The following ASH1L variants were observed in gnomAD, a reference collection of about 807,000 sequenced individuals.
The protein encoded by ASH1L is histone-lysine N-methyltransferase ASH1L.
In ASH1L, 23 loss-of-function variants were observed where a neutral mutation model predicts 269.0. That is an observed-to-expected ratio of 0.09 (90% confidence interval 0.06 to 0.12). The LOEUF (loss-of-function observed/expected upper bound fraction) is 0.12, where lower values mean the gene tolerates loss of function less well. Among genes scored for constraint, ASH1L ranks in the 10% least tolerant of loss-of-function variants. ASH1L has a pLI of 1.00. For missense variants in ASH1L, 2,912 were observed against 3,567.8 expected (o/e 0.82, Z 4.68); for synonymous variants, 1,187 against 1,253.5 (o/e 0.95, Z 1.12).
Position 155,415,909 on chromosome 1 carries a change from G to C in ASH1L, c.5843C>G (p.Pro1948Arg), listed in dbSNP as rs1337936201. ...TTCAGAAGGACTGGGAATCTCAACT[G>C]GTGCTTCATTAAAGCTAGAAAGAGA... ...QENNKSFNEA[P>R]VEIPSPSETP... Residue 1948 changes from proline to arginine, a missense_variant, in exon 6 of 28, where the codon CCA becomes CGA. Coordinates refer to ENST00000392403, the MANE Select transcript of ASH1L (RefSeq NM_018489.3). 20 of 1,562,844 alleles carry C rather than the reference G, an allele frequency of 1.3e-5. No homozygotes were observed. Among genetic ancestry groups the C allele is most frequent in the Non-Finnish European group, 1.6e-5 (19 of 1,157,738 alleles).
intron 10 of ASH1L, among the ~76,000 whole-genome samples, chr1:155,374,139 G>A (rs1450796207): frequency 1.3e-5 from 2 of 152,152 alleles, no homozygotes; most frequent in Non-Finnish European, 2.9e-5. Flanking sequence ...GATCAGCCTG[G>A]CCAACACGGC....
At chr1:155,372,005 C>T (rs980696275) in intron 10 of ASH1L, among the ~76,000 whole-genome samples, 2 of 150,458 alleles carry the variant, frequency 1.3e-5, no homozygotes, top group Non-Finnish European at 3.0e-5. Flanking sequence ...CGCTAATTTA[C>T]TCTTATTTAT....
At chr1:155,361,133 C>T (rs929618600) in intron 12 of ASH1L, among the ~76,000 whole-genome samples, 2 of 152,036 alleles carry the variant, frequency 1.3e-5, no homozygotes, top group African/African-American at 2.4e-5. Context: ...CCTGTAATCC[C>T]AGCATTTTGG....
intron 1 of ASH1L, among the ~76,000 whole-genome samples, chr1:155,550,066 G>A (rs1005909298): frequency 6.6e-6 from 1 of 151,778 alleles, no homozygotes; most frequent in South Asian, 2.1e-4. Flanking sequence ...TGTTGCCCAA[G>A]CTGGAGTGCC....
chr1:155,361,518 C>CA (rs1161207568), intron 12 of ASH1L, among the ~76,000 whole-genome samples: 380 of 36,414 alleles, frequency 0.01, 17 homozygotes, highest in African/African-American at 0.018. Flanking sequence ...CTCCATCTCA[C>CA]AAAAAAAAAA....
chr1:155,547,461 C>T (rs959458919), intron 1 of ASH1L, among the ~76,000 whole-genome samples: 1 of 151,838 alleles, frequency 6.6e-6, no homozygotes, highest in African/African-American at 2.4e-5. Context: ...GGAATGAGAT[C>T]GGCTCGGTGA....
chr1:155,538,831 G>A (rs905590680), intron 1 of ASH1L, among the ~76,000 whole-genome samples: 3 of 151,912 alleles, frequency 2.0e-5, no homozygotes, highest in African/African-American at 7.2e-5. Flanking sequence ...CTTTCCCTGT[G>A]TAATTTATTA....
At chr1:155,428,696 A>G (rs1465402292) in intron 5 of ASH1L, among the ~76,000 whole-genome samples, 1 of 152,226 alleles carries the variant, frequency 6.6e-6, no homozygotes, top group Admixed American at 6.5e-5. Flanking sequence ...CCTTAAGGAC[A>G]TGCTCCTGCT....
intron 5 of ASH1L, 66 bp from the exon 6 acceptor site, chr1:155,415,989 C>T: frequency 8.5e-7 from 1 of 1,174,174 alleles, no homozygotes; most frequent in Non-Finnish European, 1.1e-6. Flanking sequence ...TAATTGTCTA[C>T]TTAAAAAAAA....
intron 3 of ASH1L, among the ~76,000 whole-genome samples, chr1:155,466,279 G>A (rs923872751): frequency 2.6e-5 from 4 of 152,028 alleles, no homozygotes; most frequent in South Asian, 2.1e-4. Flanking sequence ...GCATGAACCC[G>A]GGAGGCAGAG....
chr1:155,370,756 T>C lies in ASH1L; in HGVS notation c.6539+21A>G, dbSNP rs774290876. On this transcript the variant is annotated intron_variant, in intron 11 of 27. Coordinates refer to ENST00000392403, the MANE Select transcript of ASH1L (RefSeq NM_018489.3). Reference sequence around the variant, plus strand: ...CTTATACCTTGGCATTTTATTAGAGTATCATCATTTACCACCGTACCTGAA... The same window carrying C: ...CTTATACCTTGGCATTTTATTAGAGCATCATCATTTACCACCGTACCTGAA... 15 of 1,613,882 alleles carry C rather than the reference T, an allele frequency of 9.3e-6. No homozygotes were observed. In the East Asian group the frequency reaches 3.3e-4, roughly 36 times the overall value.
chr1:155,544,355 C>T (rs769503104), intron 1 of ASH1L, among the ~76,000 whole-genome samples: 2 of 151,124 alleles, frequency 1.3e-5, no homozygotes, highest in East Asian at 1.9e-4. Context: ...GGCAAGATCT[C>T]GGCTCACTGC....
At chr1:155,491,829 C>T (rs1003368940) in intron 2 of ASH1L, among the ~76,000 whole-genome samples, 3 of 151,726 alleles carry the variant, frequency 2.0e-5, no homozygotes, top group African/African-American at 4.8e-5. Flanking sequence ...CCCACCACCA[C>T]GTCTGGCTGA....
intron 1 of ASH1L, among the ~76,000 whole-genome samples, chr1:155,537,958 G>C (rs1558204902): frequency 1.3e-5 from 2 of 151,896 alleles, no homozygotes; most frequent in South Asian, 4.2e-4. Context: ...GAATTCCTTA[G>C]GTTCAGTCAG....
At chr1:155,386,945 T>C (rs1038819547) in intron 7 of ASH1L, among the ~76,000 whole-genome samples, 1 of 152,152 alleles carries the variant, frequency 6.6e-6, no homozygotes, top group Non-Finnish European at 1.5e-5. Context: ...CTAGATTGTC[T>C]TTCAGGGTTT....
Position 155,479,884 on chromosome 1 carries a change from T to G in ASH1L, c.2986A>C (p.Lys996Gln), listed in dbSNP as rs1458057614. 1 of 1,613,190 alleles carries G rather than the reference T, an allele frequency of 6.2e-7. No homozygotes were observed. Among genetic ancestry groups the G allele is most frequent in the African/African-American group, 1.3e-5 (1 of 74,808 alleles). The change falls in exon 3 of 28, where the codon AAA (lysine) becomes CAA (glutamine). Residue 996 changes from lysine (K) to glutamine (Q), a missense_variant. Lys to Gln is a moderately conservative substitution (Grantham distance 53, BLOSUM62 1). This residue lies in a region of ASH1L where 715 missense variants were observed against 721.0 expected (regional missense o/e 0.99). Coordinates refer to ENST00000392403, the MANE Select transcript of ASH1L (RefSeq NM_018489.3). ...INKMKTLKRK[K>Q]LLNQILSSSV... Reference sequence around the variant, plus strand: ...CTTGAAAGAATCTGATTCAACAGTTTCTTTCTCTTTAAAGTCTTCATTTTA... The same window carrying G: ...CTTGAAAGAATCTGATTCAACAGTTGCTTTCTCTTTAAAGTCTTCATTTTA...
intron 6 of ASH1L, among the ~76,000 whole-genome samples, chr1:155,403,243 T>C (rs934102454): frequency 1.3e-5 from 2 of 150,490 alleles, no homozygotes; most frequent in African/African-American, 2.4e-5. Flanking sequence ...CTTTTGGAGG[T>C]TGCAGCTGAA....
intron 14 of ASH1L, 76 bp from the exon 15 acceptor site, chr1:155,357,486 C>T: frequency 1.3e-6 from 2 of 1,593,326 alleles, no homozygotes; most frequent in Non-Finnish European, 1.7e-6. Context: ...ATTAAAACCA[C>T]TCTTAAGATG....
chr1:155,466,566 C>T lies in ASH1L; in HGVS notation c.4985-6668G>A, dbSNP rs1664718287. On this transcript the variant is annotated intron_variant, in intron 3 of 27. Coordinates refer to ENST00000392403, the MANE Select transcript of ASH1L (RefSeq NM_018489.3). ...ATCTTTTTTCTATCATGTTTTAAAT[C>T]TTTTTAAAATTGATACATAATAGTT... is the stretch of plus-strand genomic sequence containing the variant. 3.3e-5 allele frequency among the ~76,000 whole-genome samples: 5 copies of T among 152,170 alleles called. No homozygotes were observed. The South Asian group carries it at 1.0e-3, about 32-fold the overall frequency.
Sources: allele counts gnomAD v4.1 joint callset (sites outside exome capture counted in the v4.1 genomes callset), GRCh38; gene constraint gnomAD v4.1.1; regional missense constraint gnomAD v4.1.1; transcripts MANE v1.5; gene names NCBI Gene and HGNC (gene_info 2026-07-23, HGNC 2026-07-21).